Variants in EFCAB14 observed in about 807,000 individuals in gnomAD.
The protein encoded by EFCAB14 is EF-hand calcium binding domain 14.
Under a neutral mutation model 56.5 loss-of-function variants are expected in EFCAB14, and 43 were observed. The observed-to-expected ratio is 0.76, with a 90% CI of 0.60 to 0.98. The LOEUF (loss-of-function observed/expected upper bound fraction) is 0.98. Among genes scored for constraint, EFCAB14 ranks in the 50% least tolerant of loss-of-function variants. The probability of loss-of-function intolerance (pLI) is 0.00; values close to 1 mark genes in which losing one functional copy is unlikely to be tolerated. For synonymous variants in EFCAB14, 235 were observed against 212.9 expected (o/e 1.10, Z -0.90); for missense variants, 538 against 580.3 (o/e 0.93, Z 0.75).
chr1:46,679,666 A>T (rs966914053), intron 10 of EFCAB14, among the ~76,000 whole-genome samples: 1 of 122,194 alleles, frequency 8.2e-6, no homozygotes, highest in African/African-American at 3.2e-5. Context: ...GCTGGAGTGC[A>T]GTGGTATGAT....
At chr1:46,693,437 G>T (rs3766217) in intron 4 of EFCAB14, among the ~76,000 whole-genome samples, 38,822 of 152,048 alleles carry the variant, frequency 0.26, 5,173 homozygotes, top group East Asian at 0.35. Flanking sequence ...CTTCAAAACT[G>T]AGCCACTTGA....
chr1:46,678,935 C>G (rs537513512), intron 10 of EFCAB14, among the ~76,000 whole-genome samples: 1 of 152,082 alleles, frequency 6.6e-6, no homozygotes, highest in East Asian at 1.9e-4. Flanking sequence ...CCAGCCTGGG[C>G]AACACAGTGA....
In EFCAB14 at chr1:46,716,227, C is replaced by T. The variant is rs1261377962; in HGVS notation, c.334+68G>A. 26 of 1,443,932 alleles carry T rather than the reference C, an allele frequency of 1.8e-5. No individual in the cohort carries two copies. The South Asian group carries it at 2.2e-4, about 12-fold the overall frequency. 89.4% of individuals were successfully genotyped at this position (1,443,932 alleles called of 1,614,324 possible). On this transcript the variant is annotated intron_variant, in intron 2 of 10. Coordinates refer to ENST00000371933, the MANE Select transcript of EFCAB14 (RefSeq NM_014774.3). ...TTGCGCCACTGTACTCCAGCCTAGG[C>T]GACAGAGCAAGACCCTGTCTCAAAA...
At chr1:46,702,215 C>T (rs1677168953) in intron 3 of EFCAB14, among the ~76,000 whole-genome samples, 1 of 152,186 alleles carries the variant, frequency 6.6e-6, no homozygotes, top group Non-Finnish European at 1.5e-5. Flanking sequence ...TTGCTTAATA[C>T]ATCATTTTAT....
intron 4 of EFCAB14, among the ~76,000 whole-genome samples, chr1:46,696,136 T>A (rs940824053): frequency 3.3e-5 from 5 of 151,960 alleles, no homozygotes; most frequent in Non-Finnish European, 7.4e-5. Flanking sequence ...CTTTCTTAAT[T>A]ATGGAAAGTA....
intron 3 of EFCAB14, among the ~76,000 whole-genome samples, chr1:46,700,156 G>C (rs1349418951): frequency 1.3e-5 from 2 of 152,178 alleles, no homozygotes; most frequent in Non-Finnish European, 2.9e-5. Context: ...GATACTAAAT[G>C]ACTGTTGTTT....
At chr1:46,700,433 G>A (rs541504373) in intron 3 of EFCAB14, among the ~76,000 whole-genome samples, 3 of 152,294 alleles carry the variant, frequency 2.0e-5, no homozygotes, top group South Asian at 4.2e-4. Flanking sequence ...TCAGTCCACA[G>A]AGATACTCTC....
chr1:46,711,743 G>A (rs1677310906), intron 2 of EFCAB14, among the ~76,000 whole-genome samples: 1 of 152,146 alleles, frequency 6.6e-6, no homozygotes, highest in South Asian at 2.1e-4. Context: ...ATGGAAAAAT[G>A]TAAACATATA....
At position 46,716,231 on chromosome 1, in the gene EFCAB14, A is replaced by G. The variant is rs1318673574; in HGVS notation, c.334+64T>C. On this transcript the variant is annotated intron_variant, in intron 2 of 10. Coordinates refer to ENST00000371933, the MANE Select transcript of EFCAB14 (RefSeq NM_014774.3). ...GCCACTGTACTCCAGCCTAGGCGAC[A>G]GAGCAAGACCCTGTCTCAAAAAAAA... 5.4e-6 allele frequency: 8 copies of G among 1,481,666 alleles called. No individual in the cohort carries two copies. In the East Asian group the frequency reaches 2.0e-4, roughly 37 times the overall value. 91.8% of individuals were successfully genotyped at this position (1,481,666 alleles called of 1,614,324 possible).
intron 4 of EFCAB14, among the ~76,000 whole-genome samples, chr1:46,694,874 T>C (rs1031864869): frequency 2.0e-5 from 3 of 152,170 alleles, no homozygotes; most frequent in African/African-American, 4.8e-5. Flanking sequence ...ATGGCAGATA[T>C]ACACCATGGA....
chr1:46,688,569 T>C (rs376346396), intron 6 of EFCAB14, 25 bp from the exon 7 acceptor site: 10 of 1,601,960 alleles, frequency 6.2e-6, no homozygotes, highest in Non-Finnish European at 8.5e-6. Context: ...AATAAAGTTA[T>C]GGAATCCACT....
chr1:46,688,459 CCCT>C lies in EFCAB14; in HGVS notation c.878_880del (p.Glu293del). The C allele has an allele frequency of 6.2e-7, 1 of 1,613,948 alleles. No homozygotes were observed. The highest frequency in any genetic ancestry group is 8.5e-7 in the Non-Finnish European group (1 of 1,179,886). ...AAGATTACTGACTGTCTCGTTCATTCCCTCGAGTTTAAGATCATTCTGTCTCTG... is the reference window on the plus strand; with the variant it reads ...AAGATTACTGACTGTCTCGTTCATTCCGAGTTTAAGATCATTCTGTCTCTG... On this transcript the variant is annotated inframe_deletion, in exon 7 of 11. Coordinates refer to ENST00000371933, the MANE Select transcript of EFCAB14 (RefSeq NM_014774.3).
chr1:46,709,539 G>A (rs1338965523), intron 2 of EFCAB14, among the ~76,000 whole-genome samples: 1 of 152,194 alleles, frequency 6.6e-6, no homozygotes, highest in Non-Finnish European at 1.5e-5. Flanking sequence ...TGAGATGCTT[G>A]AGGACAAAGA....
intron 1 of EFCAB14, among the ~76,000 whole-genome samples, chr1:46,717,422 C>T (rs967673105): frequency 2.6e-5 from 4 of 152,100 alleles, no homozygotes; most frequent in African/African-American, 9.7e-5. Flanking sequence ...TCTTCTTTTG[C>T]CCCCCGACCC....
At chr1:46,711,174 C>T (rs532694456) in intron 2 of EFCAB14, among the ~76,000 whole-genome samples, 2 of 152,302 alleles carry the variant, frequency 1.3e-5, no homozygotes, top group Admixed American at 1.3e-4. Flanking sequence ...TTTAATGTAG[C>T]ACTTGATTTA....
intron 3 of EFCAB14, among the ~76,000 whole-genome samples, chr1:46,707,678 T>C (rs897679734): frequency 1.3e-5 from 2 of 152,354 alleles, no homozygotes; most frequent in East Asian, 3.9e-4. Flanking sequence ...CTGTATTTAG[T>C]AGAATTATTT....
rs61782589 is a variant in EFCAB14, at chr1:46,719,065, G to T, written c.-978C>A. The T allele has an allele frequency of 3.8e-5, 6 of 158,314 alleles. No homozygotes were observed. The highest frequency in any genetic ancestry group is 1.7e-4 in the South Asian group (1 of 5,816). The allele number at this position is 158,314 out of a possible 1,614,324, so 9.8% of individuals were successfully genotyped here. ...GTTGGTGGCGGCGGCTGCGGCGGCG[G>T]CGGCCGCGAGCTCCAGCCCCGGGCC... is the stretch of plus-strand genomic sequence containing the variant. On this transcript the variant is annotated 5_prime_UTR_variant, in exon 1 of 11. Coordinates refer to ENST00000371933, the MANE Select transcript of EFCAB14 (RefSeq NM_014774.3). The surrounding 1 kb of genome is among the most constrained non-coding windows in gnomAD (Gnocchi z 4.0).
At position 46,689,599 on chromosome 1, in the gene EFCAB14, C is replaced by T; in HGVS notation, c.783G>A (p.Glu261=). Residue 261 remains glutamate, a synonymous_variant, in exon 6 of 11, where the codon GAG becomes GAA. Coordinates refer to ENST00000371933, the MANE Select transcript of EFCAB14 (RefSeq NM_014774.3). The stretch of plus-strand genomic sequence containing the variant: ...AGATAAAAAGCACCTGTTTCAAATT[C>T]TCACTGTGGGTTTTATTGTCAAGTT... ...TSELDNKTHS[E]NLKQDILYLH... The T allele has an allele frequency of 6.2e-7, 1 of 1,613,842 alleles. No individual in the cohort carries two copies. Among genetic ancestry groups the T allele is most frequent in the Non-Finnish European group, 8.5e-7 (1 of 1,179,772 alleles).
intron 4 of EFCAB14, among the ~76,000 whole-genome samples, chr1:46,695,519 A>C (rs1218160325): frequency 6.6e-6 from 1 of 152,226 alleles, no homozygotes; most frequent in Admixed American, 6.5e-5. Context: ...GAAAGAATTC[A>C]TATGCTCATA....
Sources: gnomAD v4.1 joint callset for allele counts (sites outside exome capture counted in the v4.1 genomes callset) on GRCh38, gnomAD v4.1.1 for gene constraint, Gnocchi (gnomAD v3.1) non-coding constraint, MANE v1.5 for transcripts, NCBI Gene and HGNC (gene_info 2026-07-23, HGNC 2026-07-21) for gene names.